Variants in ERCC6L2 observed in about 807,000 individuals in gnomAD.
ERCC6L2 encodes DNA excision repair protein ERCC-6-like 2.
Under a neutral mutation model 132.0 loss-of-function variants are expected in ERCC6L2, and 77 were observed. That is an observed-to-expected ratio of 0.58 (90% confidence interval 0.49 to 0.71). ERCC6L2 has a LOEUF of 0.71. Among genes scored for constraint, ERCC6L2 ranks in the 30% least tolerant of loss-of-function variants. ERCC6L2 has a pLI of 0.00. For synonymous variants in ERCC6L2, 583 were observed against 632.4 expected (o/e 0.92, Z 1.17); for missense variants, 1,542 against 1,837.6 (o/e 0.84, Z 2.94).
chr9:95,973,243 A>G (rs1256285456), intron 16 of ERCC6L2, among the ~76,000 whole-genome samples, 155 bp downstream of exon 16: 1 of 152,196 alleles, frequency 6.6e-6, no homozygotes, highest in Non-Finnish European at 1.5e-5. Flanking sequence ...GATAAATGGG[A>G]GACCACATAT....
At chr9:95,980,334 A>T (rs1832839761) in intron 17 of ERCC6L2, among the ~76,000 whole-genome samples, 1 of 152,130 alleles carries the variant, frequency 6.6e-6, no homozygotes, top group African/African-American at 2.4e-5. Context: ...ACACCAACTT[A>T]ATATAAACCC....
At chr9:95,914,633 T>G (rs1424991628) in intron 4 of ERCC6L2, among the ~76,000 whole-genome samples, 2 of 152,236 alleles carry the variant, frequency 1.3e-5, no homozygotes, top group African/African-American at 4.8e-5. Context: ...ATTACAAGCA[T>G]GAGCCACTGT....
At chr9:95,898,310 T>A (rs958438898) in intron 3 of ERCC6L2, among the ~76,000 whole-genome samples, 3 of 152,160 alleles carry the variant, frequency 2.0e-5, no homozygotes, top group Admixed American at 6.5e-5. Flanking sequence ...ACCTTCATTA[T>A]ATTGTTTTTT....
In ERCC6L2 at chr9:96,017,001, G is replaced by T. The variant is rs1834196600; in HGVS notation, c.*3798G>T. 6.6e-6 allele frequency among the ~76,000 whole-genome samples: 1 copy of T among 152,188 alleles called. No individual in the cohort carries two copies. The highest frequency in any genetic ancestry group is 2.4e-5 in the African/African-American group (1 of 41,442). ...CTAGGATCTAGGCCTCACCGAGGATGTCACTGAACCTGTCAGCCCCAATGA... is the reference window on the plus strand; with the variant it reads ...CTAGGATCTAGGCCTCACCGAGGATTTCACTGAACCTGTCAGCCCCAATGA... On this transcript the variant is annotated 3_prime_UTR_variant, in exon 19 of 19. Coordinates refer to ENST00000653738, the MANE Select transcript of ERCC6L2 (RefSeq NM_020207.7).
At chr9:95,917,972 T>G (rs1446008429) in intron 6 of ERCC6L2, among the ~76,000 whole-genome samples, 1 of 152,188 alleles carries the variant, frequency 6.6e-6, no homozygotes, top group African/African-American at 2.4e-5. Context: ...TATTCTCTTT[T>G]TTTCTTATAT....
intron 4 of ERCC6L2, among the ~76,000 whole-genome samples, chr9:95,914,397 A>G (rs1338947844): frequency 1.1e-4 from 16 of 152,024 alleles, no homozygotes; most frequent in Admixed American, 1.0e-3. Context: ...CTGTGTCACC[A>G]GGCTAGAGTG....
intron 8 of ERCC6L2, among the ~76,000 whole-genome samples, 182 bp from the exon 9 acceptor site, chr9:95,923,078 A>G (rs557341801): frequency 6.6e-5 from 10 of 152,334 alleles, no homozygotes; most frequent in Middle Eastern, 6.8e-3. Flanking sequence ...TTAAGAATTC[A>G]GTGCCATACG....
In ERCC6L2 at chr9:95,950,644, A is replaced by G. The variant is rs535882976; in HGVS notation, c.1848-5270A>G. On this transcript the variant is annotated intron_variant, in intron 12 of 18. Coordinates refer to ENST00000653738, the MANE Select transcript of ERCC6L2 (RefSeq NM_020207.7). ...ACACAGGTTGAAAATAAAAGCATGGAAAAAGATATTTCATGCAAATAGTAA... is the reference window on the plus strand; with the variant it reads ...ACACAGGTTGAAAATAAAAGCATGGGAAAAGATATTTCATGCAAATAGTAA... Among the ~76,000 whole-genome samples, 7 of 152,322 alleles carry G rather than the reference A, an allele frequency of 4.6e-5. No homozygotes were observed. In the South Asian group the frequency reaches 1.2e-3, roughly 27 times the overall value.
intron 9 of ERCC6L2, among the ~76,000 whole-genome samples, chr9:95,926,792 A>G (rs1830120900): frequency 6.6e-6 from 1 of 152,156 alleles, no homozygotes; most frequent in Non-Finnish European, 1.5e-5. Context: ...GCTAATAATA[A>G]TGTATCAATA....
chr9:95,956,621 G>A (rs1055796200), intron 13 of ERCC6L2, among the ~76,000 whole-genome samples: 13 of 152,110 alleles, frequency 8.5e-5, no homozygotes, highest in African/African-American at 2.9e-4. Context: ...TGGTGGAAGG[G>A]GAAGCAAGCA....
chr9:96,009,224 C>G (rs1159057823), intron 18 of ERCC6L2, among the ~76,000 whole-genome samples: 1 of 152,250 alleles, frequency 6.6e-6, no homozygotes, highest in Non-Finnish European at 1.5e-5. Context: ...ACAGACTCGT[C>G]AGCTTCGTTG....
intron 11 of ERCC6L2, among the ~76,000 whole-genome samples, chr9:95,929,725 GA>G (rs1231315042): frequency 1.3e-5 from 2 of 152,182 alleles, no homozygotes; most frequent in Non-Finnish European, 2.9e-5. Flanking sequence ...AGGAATGCAA[GA>G]AGTAATTTTT....
At chr9:95,956,840 C>T (rs1831628645) in intron 13 of ERCC6L2, among the ~76,000 whole-genome samples, 1 of 152,200 alleles carries the variant, frequency 6.6e-6, no homozygotes, top group Middle Eastern at 3.4e-3. Context: ...CGGGTAGGGA[C>T]ACAGTGAAAC....
chr9:95,996,519 C>G (rs1833476771), intron 17 of ERCC6L2, among the ~76,000 whole-genome samples: 1 of 152,204 alleles, frequency 6.6e-6, no homozygotes, highest in Non-Finnish European at 1.5e-5. Context: ...ATTTTCATAG[C>G]TAGAGGGGAG....
At chr9:95,945,604 G>A (rs945801258) in intron 12 of ERCC6L2, among the ~76,000 whole-genome samples, 16 of 152,178 alleles carry the variant, frequency 1.1e-4, no homozygotes, top group South Asian at 2.1e-4. Context: ...AAAGACAGGC[G>A]TAAGAAATTA....
rs562739633 is a variant in ERCC6L2, at chr9:96,018,356, T to C, written c.*5153T>C. 9.2e-5 allele frequency among the ~76,000 whole-genome samples: 14 copies of C among 152,346 alleles called. No individual in the cohort carries two copies. Among genetic ancestry groups the C allele is most frequent in the Admixed American group, 2.6e-4 (4 of 15,302 alleles). ...GAGATTGCTGACTATATTTTACTTA[T>C]CAATTTGAAATTATATTGTTTTTAT... On this transcript the variant is annotated 3_prime_UTR_variant, in exon 19 of 19. Transcript: ENST00000653738.
Position 95,928,730 on chromosome 9 carries a change from GCTACAGCAGTA to G in ERCC6L2, c.1620_1630del (p.Gln541TyrfsTer6). The G allele has an allele frequency of 6.2e-7, 1 of 1,602,400 alleles. No individual in the cohort carries two copies. The highest frequency in any genetic ancestry group is 8.5e-7 in the Non-Finnish European group (1 of 1,176,252). On this transcript the variant is annotated frameshift_variant, in exon 11 of 19. Coordinates refer to ENST00000653738, the MANE Select transcript of ERCC6L2 (RefSeq NM_020207.7). LOFTEE classifies it high-confidence loss of function. ...TACCTCTCGTCTAGTTGCTTGACGT[GCTACAGCAGTA>G]CTGTATGGCGTCTGGGCTTGATTAC...
chr9:95,920,727 G>C (rs1829823475), intron 6 of ERCC6L2, among the ~76,000 whole-genome samples: 1 of 152,160 alleles, frequency 6.6e-6, no homozygotes, highest in Non-Finnish European at 1.5e-5. Flanking sequence ...AAGACAGTCA[G>C]TAGAAATCAT....
At chr9:96,003,665 C>T (rs1316551473) in intron 17 of ERCC6L2, among the ~76,000 whole-genome samples, 6 of 152,228 alleles carry the variant, frequency 3.9e-5, no homozygotes, top group African/African-American at 1.4e-4. Flanking sequence ...CACATGGGTG[C>T]TGTAACTTAA....
Sources: allele counts gnomAD v4.1 joint callset (sites outside exome capture counted in the v4.1 genomes callset), GRCh38; gene constraint gnomAD v4.1.1; transcripts MANE v1.5; gene names NCBI Gene and HGNC (gene_info 2026-07-23, HGNC 2026-07-21).